The following PUM2 variants were observed in gnomAD, a reference collection of about 807,000 sequenced individuals.
PUM2 encodes the protein pumilio homolog 2.
Under a neutral mutation model 124.5 loss-of-function variants are expected in PUM2, and 57 were observed. The observed-to-expected ratio is 0.46, with a 90% CI of 0.37 to 0.57. The LOEUF is 0.57. Ranked by LOEUF, PUM2 falls within the 20% of genes least tolerant of loss-of-function variation. The pLI, the probability that PUM2 is intolerant of heterozygous loss-of-function variation, is 0.00. For synonymous variants in PUM2, 460 were observed against 446.1 expected, an observed-to-expected ratio of 1.03 and a Z score of -0.39; for missense variants, 1,065 against 1,290.6, an observed-to-expected ratio of 0.83 and a Z score of 2.68.
intron 13 of PUM2, 47 bp from the exon 14 acceptor site, chr2:20,263,507 TC>T (rs1298013058): frequency 6.5e-7 from 1 of 1,540,010 alleles, no homozygotes; most frequent in Non-Finnish European, 8.8e-7. Flanking sequence ...ACAAAGTTAT[TC>T]CTCAAATAAA....
intron 13 of PUM2, among the ~76,000 whole-genome samples, chr2:20,265,700 A>AT (rs1667487258): frequency 6.6e-6 from 1 of 152,330 alleles, no homozygotes; most frequent in Admixed American, 6.5e-5. Flanking sequence ...TCACTTTATG[A>AT]TAAAAACCTA....
chr2:20,343,634 G>A (rs1313536715), intron 1 of PUM2, among the ~76,000 whole-genome samples: 1 of 152,146 alleles, frequency 6.6e-6, no homozygotes, highest in Non-Finnish European at 1.5e-5. Flanking sequence ...GGGCATGGTG[G>A]CTTGGACCTA....
chr2:20,266,683 AT>A (rs1667737913), intron 13 of PUM2, among the ~76,000 whole-genome samples: 1 of 152,182 alleles, frequency 6.6e-6, no homozygotes, highest in Non-Finnish European at 1.5e-5. Context: ...GTCATCTAAA[AT>A]ATCTGGAGAT....
At chr2:20,316,944 T>A (rs1361896262) in intron 3 of PUM2, among the ~76,000 whole-genome samples, 1 of 151,874 alleles carries the variant, frequency 6.6e-6, no homozygotes, top group Non-Finnish European at 1.5e-5. Context: ...GGCAGGAGAA[T>A]CACTTGAACC....
Position 20,344,166 on chromosome 2 carries a change from C to G in PUM2, c.-19+6431G>C, listed in dbSNP as rs548387602. ...CACTGCAATCTCTACCTCTTGGGAT[C>G]AAGAGATCCTCGCGCCTCAGCCTCC... On this transcript the variant is annotated intron_variant, in intron 1 of 20. Transcript: ENST00000361078. Among the ~76,000 whole-genome samples, 4 of 152,304 alleles carry G rather than the reference C, an allele frequency of 2.6e-5. No individual in the cohort carries two copies. The East Asian group carries it at 7.7e-4, about 29-fold the overall frequency.
chr2:20,279,519 C>T (rs930660951), intron 12 of PUM2, among the ~76,000 whole-genome samples: 1 of 152,160 alleles, frequency 6.6e-6, no homozygotes, highest in African/African-American at 2.4e-5. Flanking sequence ...TCTTCTACTC[C>T]TAAGATGCTA....
intron 1 of PUM2, among the ~76,000 whole-genome samples, chr2:20,336,752 G>C (rs1411278965): frequency 1.1e-4 from 1 of 8,836 alleles, no homozygotes; most frequent in Non-Finnish European, 2.7e-4. Context: ...GCTGATCTGT[G>C]TGTGTGTGTG....
Position 20,249,175 on chromosome 2 carries a change from T to G in PUM2, c.*2410A>C, listed in dbSNP as rs905379456. On this transcript the variant is annotated 3_prime_UTR_variant, in exon 21 of 21. Transcript: ENST00000361078. ...TTCTCTACTTGTCATTTTCTAAAATTGCAGAGATAATGCCTGTGCCAACAG... is the reference window on the plus strand; with the variant it reads ...TTCTCTACTTGTCATTTTCTAAAATGGCAGAGATAATGCCTGTGCCAACAG... 1.3e-5 allele frequency: 2 copies of G among 152,190 alleles called. No individual in the cohort carries two copies. Among genetic ancestry groups the G allele is most frequent in the African/African-American group, 4.8e-5 (2 of 41,436 alleles). 9.4% of individuals were successfully genotyped at this position (152,190 alleles called of 1,614,324 possible). A position where few individuals can be genotyped will look rare whatever the true frequency, so the allele number is the denominator to read the frequency against.
rs1662792695 is a variant in PUM2, at chr2:20,249,508, TG to T, written c.*2076del. The T allele has an allele frequency of 6.6e-6, 1 of 152,616 alleles. No homozygotes were observed. The allele number at this position is 152,616 out of a possible 1,614,324, so 9.5% of individuals were successfully genotyped here. On this transcript the variant is annotated 3_prime_UTR_variant, in exon 21 of 21. Transcript: ENST00000361078. ...ATTTAATGGTCTCACCAAGGAATGT[TG>T]GGTTAGAAAAGTAAAATAACTCAAC...
chr2:20,339,821 A>AGTGAGCCGAGATCAT (rs1381165770), intron 1 of PUM2, among the ~76,000 whole-genome samples: 1 of 152,194 alleles, frequency 6.6e-6, no homozygotes. Context: ...CGGAGGTTAC[A>AGTGAGCCGAGATCAT]GTGAGCCGAG....
At chr2:20,286,009 A>G (rs893085031) in intron 10 of PUM2, among the ~76,000 whole-genome samples, 2 of 152,180 alleles carry the variant, frequency 1.3e-5, no homozygotes, top group Non-Finnish European at 2.9e-5. Context: ...AAAGTAAGCC[A>G]GTACGACTGA....
chr2:20,272,508 C>T (rs1669281383), intron 13 of PUM2, among the ~76,000 whole-genome samples: 1 of 152,174 alleles, frequency 6.6e-6, no homozygotes, highest in Non-Finnish European at 1.5e-5. Flanking sequence ...TTTCTGGATG[C>T]ACTACTCTGT....
chr2:20,260,934 C>CT (rs374581728), intron 14 of PUM2, among the ~76,000 whole-genome samples: 7 of 152,176 alleles, frequency 4.6e-5, no homozygotes, highest in African/African-American at 1.4e-4. Context: ...TCATGCACTG[C>CT]TTAACCACAT....
chr2:20,299,011 C>A (rs986423909), intron 7 of PUM2, among the ~76,000 whole-genome samples: 10 of 152,206 alleles, frequency 6.6e-5, no homozygotes, highest in African/African-American at 2.4e-4. Context: ...CCCTACCCAG[C>A]AGCTCTGCAC....
In PUM2 at chr2:20,251,452, T is replaced by A; in HGVS notation, c.*133A>T. On this transcript the variant is annotated 3_prime_UTR_variant, in exon 21 of 21. Coordinates refer to ENST00000361078, the MANE Select transcript of PUM2 (RefSeq NM_015317.5). ...GAACCTTAAAAAATTTACAAATGGA[T>A]GAATAAAGTCAATAAATAGTTTTGC... 1 of 1,142,614 alleles carries A rather than the reference T, an allele frequency of 8.8e-7. No homozygotes were observed. Among genetic ancestry groups the A allele is most frequent in the Non-Finnish European group, 1.2e-6 (1 of 822,612 alleles). 70.8% of individuals were successfully genotyped at this position (1,142,614 alleles called of 1,614,324 possible).
intron 1 of PUM2, among the ~76,000 whole-genome samples, chr2:20,336,194 TTTG>T (rs1034349904): frequency 5.5e-5 from 8 of 144,562 alleles, no homozygotes; most frequent in East Asian, 5.3e-4. Context: ...TGTTTTTTTG[TTTG>T]TTTTTTTTTG....
intron 12 of PUM2, among the ~76,000 whole-genome samples, chr2:20,279,988 G>A (rs914724606): frequency 6.6e-6 from 1 of 151,992 alleles, no homozygotes; most frequent in African/African-American, 2.4e-5. Flanking sequence ...TCTATATTCG[G>A]ACCAATATGG....
chr2:20,277,402 G>T (rs150174538), intron 13 of PUM2, among the ~76,000 whole-genome samples: 3 of 152,168 alleles, frequency 2.0e-5, no homozygotes, highest in Non-Finnish European at 4.4e-5. Context: ...CTGCAAAGTG[G>T]ATCTTAGGGC....
At position 20,265,654 on chromosome 2, in the gene PUM2, T is replaced by C. The variant is rs540096416; in HGVS notation, c.1958-2194A>G. The stretch of plus-strand genomic sequence containing the variant: ...ACCAATCCAATTTTATACACATCAA[T>C]TGTATTTTTCCTTTCAAAGTCCATT... On this transcript the variant is annotated intron_variant, in intron 13 of 20. Coordinates refer to ENST00000361078, the MANE Select transcript of PUM2 (RefSeq NM_015317.5). Among the ~76,000 whole-genome samples the C allele has an allele frequency of 3.5e-3, 535 of 152,366 alleles. 4 individuals are homozygous for C. The highest frequency in any genetic ancestry group is 0.011 in the African/African-American group (472 of 41,594).
Sources: allele counts gnomAD v4.1 joint callset (sites outside exome capture counted in the v4.1 genomes callset), GRCh38; gene constraint gnomAD v4.1.1; transcripts MANE v1.5; gene names NCBI Gene and HGNC (gene_info 2026-07-23, HGNC 2026-07-21).